The following CELF4 variants were observed in gnomAD, a reference collection of about 807,000 sequenced individuals.
CELF4 encodes CUGBP Elav-like family member 4.
CELF4 carries 18 observed loss-of-function variants against 59.9 expected under a neutral mutation model. That is an observed-to-expected ratio of 0.30 (90% CI 0.21 to 0.45). The LOEUF is 0.45. CELF4 is among the 20% of genes least tolerant of loss of function. CELF4 has a pLI of 1.00. For missense variants in CELF4, 456 were observed against 689.0 expected (o/e 0.66, Z 3.79); for synonymous variants, 261 against 267.1 (o/e 0.98, Z 0.22).
intron 2 of CELF4, among the ~76,000 whole-genome samples, chr18:37,347,070 C>T (rs1425375532): frequency 1.3e-5 from 2 of 152,016 alleles, no homozygotes; most frequent in Admixed American, 6.5e-5. Context: ...GGAGAGGGAG[C>T]CTCCTGGACC....
intron 3 of CELF4, among the ~76,000 whole-genome samples, chr18:37,309,287 T>C (rs1162366323): frequency 1.3e-5 from 2 of 152,168 alleles, no homozygotes; most frequent in East Asian, 3.9e-4. Context: ...TTACTAGCCA[T>C]GTGTTGTTGA....
At chr18:37,280,155 C>A (rs78404461) in intron 3 of CELF4, among the ~76,000 whole-genome samples, 2 of 152,150 alleles carry the variant, frequency 1.3e-5, no homozygotes, top group African/African-American at 4.8e-5. Flanking sequence ...CTCACCACCC[C>A]ACCTGCGCAG....
At chr18:37,312,385 A>C (rs2096707779) in intron 3 of CELF4, among the ~76,000 whole-genome samples, 1 of 152,182 alleles carries the variant, frequency 6.6e-6, no homozygotes, top group African/African-American at 2.4e-5. Context: ...CCACCTGCAC[A>C]GCGCCTGTCT....
intron 2 of CELF4, among the ~76,000 whole-genome samples, chr18:37,478,013 G>T (rs780312659): frequency 6.6e-6 from 1 of 152,188 alleles, no homozygotes; most frequent in African/African-American, 2.4e-5. Context: ...GCTGCTCTGC[G>T]TCAGGGAGAG....
chr18:37,259,057 G>T, intron 11 of CELF4, 124 bp downstream of exon 11: 5 of 1,492,212 alleles, frequency 3.4e-6, no homozygotes, highest in South Asian at 1.2e-5. Context: ...GTCGGACACC[G>T]GTAGGTTGGT....
intron 3 of CELF4, among the ~76,000 whole-genome samples, chr18:37,285,336 G>A (rs889027071): frequency 7.9e-5 from 12 of 152,156 alleles, no homozygotes; most frequent in Admixed American, 3.9e-4. Flanking sequence ...TCGTCGTCAC[G>A]CAGGAAGTCT....
chr18:37,554,981 A>G lies in CELF4; in HGVS notation c.286+10375T>C, dbSNP rs181064047. Among the ~76,000 whole-genome samples, 7 of 152,272 alleles carry G rather than the reference A, an allele frequency of 4.6e-5. No homozygotes were observed. In the East Asian group the frequency reaches 1.2e-3, roughly 25 times the overall value. On this transcript the variant is annotated intron_variant, in intron 1 of 12. Coordinates refer to ENST00000420428, the MANE Select transcript of CELF4 (RefSeq NM_020180.4). ...CCAAGATATTCCCACCCTACCAGCA[A>G]TGCTGACAGGGCAGCACCCTGAGTC...
intron 2 of CELF4, among the ~76,000 whole-genome samples, chr18:37,385,667 C>G (rs1442349968): frequency 6.6e-6 from 1 of 152,194 alleles, no homozygotes; most frequent in East Asian, 1.9e-4. Context: ...TGGAGCCAGC[C>G]CTCCCTGACC....
intron 3 of CELF4, among the ~76,000 whole-genome samples, chr18:37,317,460 T>G (rs2154513788): frequency 6.6e-6 from 1 of 152,328 alleles, no homozygotes; most frequent in East Asian, 1.9e-4. Context: ...AAATAACAGC[T>G]TTGTGGATAA....
At chr18:37,558,806 C>T (rs888482944) in intron 1 of CELF4, among the ~76,000 whole-genome samples, 4 of 145,550 alleles carry the variant, frequency 2.7e-5, no homozygotes, top group East Asian at 2.1e-4. Context: ...GCTGTCAGGT[C>T]GTGTGTGTGT....
chr18:37,564,807 G>A (rs934496421), intron 1 of CELF4, among the ~76,000 whole-genome samples: 54 of 151,854 alleles, frequency 3.6e-4, no homozygotes, highest in African/African-American at 1.3e-3. Context: ...AGCTCGACAG[G>A]GAGAGTTTAC....
chr18:37,468,840 C>G (rs528110497), intron 2 of CELF4, among the ~76,000 whole-genome samples: 39 of 152,214 alleles, frequency 2.6e-4, no homozygotes, highest in Non-Finnish European at 4.0e-4. Flanking sequence ...AACTCACTCA[C>G]TATCACGAGA....
chr18:37,516,914 A>G (rs2061032732), intron 1 of CELF4, among the ~76,000 whole-genome samples: 1 of 152,160 alleles, frequency 6.6e-6, no homozygotes, highest in South Asian at 2.1e-4. Flanking sequence ...TTCCCTCCCC[A>G]AAAAGCTGCA....
rs535531050 is a variant in CELF4, at chr18:37,548,078, T to C, written c.286+17278A>G. Among the ~76,000 whole-genome samples the C allele has an allele frequency of 7.9e-5, 12 of 152,128 alleles. No individual in the cohort carries two copies. In the South Asian group the frequency reaches 2.3e-3, roughly 29 times the overall value. On this transcript the variant is annotated intron_variant, in intron 1 of 12. Coordinates refer to ENST00000420428, the MANE Select transcript of CELF4 (RefSeq NM_020180.4). The stretch of plus-strand genomic sequence containing the variant: ...ATTTTTGAATCTCTATGTATGTGCG[T>C]ATCTGTATGAGGGTGTGTCTGTGTG...
In CELF4 at chr18:37,431,350, C is replaced by T. The variant is rs189018111; in HGVS notation, c.369+54175G>A. 6.3e-3 allele frequency among the ~76,000 whole-genome samples: 919 copies of T among 146,908 alleles called. 14 individuals carry two copies. The highest frequency in any genetic ancestry group is 0.021 in the African/African-American group (842 of 39,814). ...TCTTTTGCTATTACACAGCCACTTT[C>T]TCCTTTCTTTCCTTTTTTTTTTTTT... On this transcript the variant is annotated intron_variant, in intron 2 of 12. Coordinates refer to ENST00000420428, the MANE Select transcript of CELF4 (RefSeq NM_020180.4).
intron 3 of CELF4, among the ~76,000 whole-genome samples, chr18:37,295,629 C>CAAT (rs879785497): frequency 4.6e-5 from 7 of 152,160 alleles, no homozygotes; most frequent in Admixed American, 2.0e-4. Context: ...TGCTACTTTA[C>CAAT]AGAGGAGGAA....
At chr18:37,455,514 A>G (rs77197491) in intron 2 of CELF4, among the ~76,000 whole-genome samples, 6,422 of 152,268 alleles carry the variant, frequency 0.042, 212 homozygotes, top group East Asian at 0.15. Flanking sequence ...GGGCTCCCCA[A>G]TGAGAAGCCC....
At chr18:37,565,259 C>T in intron 1 of CELF4, 97 bp downstream of exon 1, 1 of 1,394,498 alleles carries the variant, frequency 7.2e-7, no homozygotes, top group South Asian at 1.5e-5. Flanking sequence ...GAGGCTTCCT[C>T]TCGCTTAGTC....
intron 3 of CELF4, among the ~76,000 whole-genome samples, chr18:37,308,505 G>GCT (rs1325575040): frequency 6.6e-6 from 1 of 152,190 alleles, no homozygotes; most frequent in Non-Finnish European, 1.5e-5. Context: ...CTCATTGGAT[G>GCT]CTCAGCATGC....
Sources: gnomAD v4.1 joint callset for allele counts (sites outside exome capture counted in the v4.1 genomes callset) on GRCh38, gnomAD v4.1.1 for gene constraint, MANE v1.5 for transcripts, NCBI Gene and HGNC (gene_info 2026-07-23, HGNC 2026-07-21) for gene names.